Variants in TMEM234 observed in about 807,000 individuals in gnomAD.
The protein encoded by TMEM234 is chromosome 1 open reading frame 91.
A neutral mutation model predicts 17.8 loss-of-function variants in TMEM234; 21 were observed. That is an observed-to-expected ratio of 1.18 (90% CI 0.84 to 1.70). The LOEUF is 1.70. TMEM234 is among the 40% of genes most tolerant of loss of function. The pLI is 0.00. For synonymous variants in TMEM234, 83 were observed against 73.5 expected, an observed-to-expected ratio of 1.13 and a Z score of -0.66; for missense variants, 137 against 166.9, an observed-to-expected ratio of 0.82 and a Z score of 0.99.
chr1:32,217,237 C>T, intron 4 of TMEM234, 22 bp downstream of exon 4: 1 of 1,614,230 alleles, frequency 6.2e-7, no homozygotes, highest in Non-Finnish European at 8.5e-7. Flanking sequence ...CTGCGTCCCG[C>T]ACTCGCAGTA....
At chr1:32,221,037 G>C in intron 3 of TMEM234, 94 bp downstream of exon 3, 1 of 956,448 alleles carries the variant, frequency 1.0e-6, no homozygotes, top group East Asian at 2.6e-5. Flanking sequence ...CTCACTGATG[G>C]GAATGAGGTG....
At chr1:32,214,938 G>A (rs183035492), downstream of TMEM234, 97 of 1,613,894 alleles carry the variant, frequency 6.0e-5, no homozygotes, top group East Asian at 2.0e-3. Context: ...ATCAGGTGAG[G>A]GGTCCCTGGG....
chr1:32,215,053 GAAAAA>G, downstream of TMEM234: 2 of 1,051,926 alleles, frequency 1.9e-6, no homozygotes, highest in Non-Finnish European at 2.6e-6. Flanking sequence ...GCCGGCACTG[GAAAAA>G]AAAAAAAAAG....
At chr1:32,215,052 G>GAA, downstream of TMEM234, 2 of 1,252,216 alleles carry the variant, frequency 1.6e-6, no homozygotes, top group South Asian at 1.9e-5. Context: ...AGCCGGCACT[G>GAA]GAAAAAAAAA....
At chr1:32,219,891 C>A (rs1031004295) in intron 3 of TMEM234, among the ~76,000 whole-genome samples, 3 of 152,140 alleles carry the variant, frequency 2.0e-5, no homozygotes, top group African/African-American at 7.2e-5. Context: ...TATACCATTT[C>A]TTTTGTTGGG....
chr1:32,221,588 T>C (rs1429903608), intron 2 of TMEM234, among the ~76,000 whole-genome samples: 1 of 152,112 alleles, frequency 6.6e-6, no homozygotes, highest in East Asian at 1.9e-4. Context: ...GGAATCACAA[T>C]AAAATGTGAA....
intron 3 of TMEM234, among the ~76,000 whole-genome samples, chr1:32,219,866 A>G (rs1375900928): frequency 6.6e-6 from 1 of 152,126 alleles, no homozygotes; most frequent in Non-Finnish European, 1.5e-5. Context: ...CCCGCATGTA[A>G]AATAGGGGTC....
At chr1:32,218,837 C>T (rs998597444) in intron 3 of TMEM234, among the ~76,000 whole-genome samples, 1 of 152,154 alleles carries the variant, frequency 6.6e-6, no homozygotes, top group African/African-American at 2.4e-5. Context: ...ACTTGGGAGG[C>T]CGAGGCAGGA....
downstream of TMEM234, chr1:32,215,128 G>A (rs1330667035): frequency 8.1e-6 from 6 of 736,732 alleles, no homozygotes; most frequent in African/African-American, 1.8e-5. Context: ...AAAAAAGCTG[G>A]TACTGACCTC....
downstream of TMEM234, chr1:32,215,306 T>C (rs1166496824): frequency 1.3e-6 from 1 of 747,602 alleles, no homozygotes; most frequent in Non-Finnish European, 2.2e-6. Context: ...TCTCACTTCC[T>C]TGCCATCCTG....
chr1:32,217,166 C>A (rs766504862), intron 4 of TMEM234, 93 bp downstream of exon 4: 2 of 1,610,194 alleles, frequency 1.2e-6, no homozygotes, highest in East Asian at 4.5e-5. Context: ...CGTGTCCTCA[C>A]CCACTCTGGG....
At chr1:32,218,889 G>T (rs1638648142) in intron 3 of TMEM234, among the ~76,000 whole-genome samples, 1 of 152,178 alleles carries the variant, frequency 6.6e-6, no homozygotes, top group Admixed American at 6.5e-5. Flanking sequence ...AGTGACCAGA[G>T]ATTGCACCAC....
chr1:32,215,315 T>G (rs1032087817), downstream of TMEM234: 35 of 782,496 alleles, frequency 4.5e-5, no homozygotes, highest in South Asian at 5.0e-4. Context: ...CTTGCCATCC[T>G]GGGAGGTGGT....
chr1:32,216,093 G>A (rs1019344416), downstream of TMEM234: 3 of 673,622 alleles, frequency 4.5e-6, no homozygotes, highest in African/African-American at 1.8e-5. Flanking sequence ...GAGCAGCCCT[G>A]GCTGTGGGGG....
rs187445970 is a variant in TMEM234 at position 32,221,069 on chromosome 1, C to G, written c.235+62G>C. 162 of 1,428,068 alleles carry G rather than the reference C, an allele frequency of 1.1e-4. No individual in the cohort carries two copies. In the African/African-American group the frequency reaches 1.9e-3, roughly 17 times the overall value. 88.5% of individuals were successfully genotyped at this position (1,428,068 alleles called of 1,614,324 possible). A position where few individuals can be genotyped will look rare whatever the true frequency, so the allele number is the denominator to read the frequency against. ...GGTGTTTCAAGCTCCACCCCGCCCC[C>G]CCCAATCACTCTTCCAGGTGGCCTC... On this transcript the variant is annotated intron_variant, in intron 3 of 4. Transcript: ENST00000309777.
chr1:32,215,547 AGCTG>A (rs767355275), downstream of TMEM234: 27 of 1,612,536 alleles, frequency 1.7e-5, no homozygotes, highest in Non-Finnish European at 2.3e-5. Flanking sequence ...GGATCAGGTA[AGCTG>A]TTGGATCAGG....
At chr1:32,221,380 T>A (rs1638894084) in intron 2 of TMEM234, among the ~76,000 whole-genome samples, 183 bp from the exon 3 acceptor site, 1 of 152,144 alleles carries the variant, frequency 6.6e-6, no homozygotes, top group East Asian at 1.9e-4. Context: ...TCTGTGCCTT[T>A]GCTCAAACTA....
In TMEM234 at chr1:32,216,600, G is replaced by A. The variant is rs1364352196; in HGVS notation, c.*253C>T. On this transcript the variant is annotated 3_prime_UTR_variant, in exon 5 of 5. Coordinates refer to ENST00000309777, the MANE Select transcript of TMEM234 (RefSeq NM_019118.5). ...AGATGTTAGCAGGAAGAGAGCTGCT[G>A]GGGCAGAAAGGTTGCTGAGGGTGAG... 3.9e-6 allele frequency: 6 copies of A among 1,539,076 alleles called. No homozygotes were observed. The highest frequency in any genetic ancestry group is 5.3e-6 in the Non-Finnish European group (6 of 1,137,780).
At position 32,221,872 on chromosome 1, in the gene TMEM234, T is replaced by G. The variant is rs1638946739; in HGVS notation, c.163A>C (p.Thr55Pro). The G allele has an allele frequency of 1.2e-6, 2 of 1,611,066 alleles. No individual in the cohort carries two copies. The highest frequency in any genetic ancestry group is 1.7e-6 in the Non-Finnish European group (2 of 1,179,666). ...GGCCTTTCACAGAGACGCACCTCAG[T>G]ATTCAAGAAGAGGGTCTTCATCTCC... The part of the protein sequence containing the change: ...LQEMKTLFLN[T>P]EYLMPFLLNQ... Residue 55 changes from threonine (T) to proline (P), a missense_variant, in exon 2 of 5, where the codon ACT becomes CCT. Physicochemically the swap from Thr to Pro is conservative, Grantham distance 38. Coordinates refer to ENST00000309777, the MANE Select transcript of TMEM234 (RefSeq NM_019118.5).
Sources: gnomAD v4.1 joint callset for allele counts (sites outside exome capture counted in the v4.1 genomes callset) on GRCh38, gnomAD v4.1.1 for gene constraint, MANE v1.5 for transcripts, NCBI Gene and HGNC (gene_info 2026-07-23, HGNC 2026-07-21) for gene names.